The following FHIT variants were observed in gnomAD, a reference collection of about 807,000 sequenced individuals.
FHIT encodes fragile histidine triad diadenosine triphosphatase.
FHIT carries 19 observed loss-of-function variants against 17.9 expected under a neutral mutation model. The observed-to-expected ratio is 1.06, with a 90% CI of 0.74 to 1.56. FHIT has a LOEUF of 1.56. Ranked by LOEUF, FHIT falls within the 40% of genes most tolerant of loss-of-function variation. The pLI is 0.00. For synonymous variants in FHIT, 81 were observed against 69.7 expected, an observed-to-expected ratio of 1.16 and a Z score of -0.81; for missense variants, 248 against 189.2, an observed-to-expected ratio of 1.31 and a Z score of -1.82.
intron 5 of FHIT, among the ~76,000 whole-genome samples, chr3:60,223,626 G>A (rs148967279): frequency 1.3e-5 from 2 of 152,210 alleles, no homozygotes; most frequent in Non-Finnish European, 1.5e-5. Context: ...TTTAAGTGTT[G>A]CTAGTTTTTA....
chr3:60,870,827 G>A (rs1379629248), intron 3 of FHIT, among the ~76,000 whole-genome samples: 1 of 152,066 alleles, frequency 6.6e-6, no homozygotes, highest in Admixed American at 6.6e-5. Context: ...ATTCCGTCTT[G>A]AAGAGAGAGT....
At chr3:59,950,168 A>G (rs1233703471) in intron 7 of FHIT, among the ~76,000 whole-genome samples, 1 of 152,198 alleles carries the variant, frequency 6.6e-6, no homozygotes, top group Non-Finnish European at 1.5e-5. Flanking sequence ...TAAAGATCAC[A>G]TGCAATAACA....
chr3:59,811,592 A>G (rs776688437), intron 8 of FHIT, among the ~76,000 whole-genome samples: 7 of 152,126 alleles, frequency 4.6e-5, no homozygotes, highest in Non-Finnish European at 8.8e-5. Flanking sequence ...TTAAAGAAAG[A>G]AAGGAAGGAA....
chr3:60,718,458 C>T (rs1241294339), intron 4 of FHIT, among the ~76,000 whole-genome samples: 1 of 152,134 alleles, frequency 6.6e-6, no homozygotes, highest in Non-Finnish European at 1.5e-5. Flanking sequence ...GTAGATAAAT[C>T]AGTGATTTTC....
At chr3:60,600,826 T>C (rs1306529649) in intron 4 of FHIT, among the ~76,000 whole-genome samples, 2 of 152,190 alleles carry the variant, frequency 1.3e-5, no homozygotes. Context: ...GTACATATTA[T>C]AGATGTTCTT....
At chr3:60,053,021 T>C (rs1275019402) in intron 5 of FHIT, among the ~76,000 whole-genome samples, 1 of 151,996 alleles carries the variant, frequency 6.6e-6, no homozygotes, top group African/African-American at 2.4e-5. Context: ...TAGTGTGAGC[T>C]CTGCATTGTT....
rs1195742742 is a variant in FHIT, at chr3:60,264,084, G to C, written c.104-249932C>G. On this transcript the variant is annotated intron_variant, in intron 5 of 9. Coordinates refer to ENST00000492590, the MANE Select transcript of FHIT (RefSeq NM_002012.4). ...AAAGTATGTGGCATCAGCTTCCAGT[G>C]AATTCCCCAAAGTGGGGGAGAAAAA... 4.2e-3 allele frequency among the ~76,000 whole-genome samples: 632 copies of C among 151,996 alleles called. 3 individuals carry two copies. The highest frequency in any genetic ancestry group is 0.014 in the African/African-American group (590 of 41,518).
chr3:60,670,049 G>A (rs2107840779), intron 4 of FHIT, among the ~76,000 whole-genome samples: 1 of 152,244 alleles, frequency 6.6e-6, no homozygotes, highest in Middle Eastern at 3.4e-3. Flanking sequence ...TTTTAATGGA[G>A]TCAAATCTAT....
intron 5 of FHIT, among the ~76,000 whole-genome samples, chr3:60,520,732 G>A (rs946639199): frequency 1.3e-5 from 2 of 152,092 alleles, no homozygotes; most frequent in African/African-American, 4.8e-5. Context: ...GGGTGGAGGA[G>A]CGAGACACTT....
intron 3 of FHIT, among the ~76,000 whole-genome samples, chr3:60,840,050 C>G (rs1702668732): frequency 1.3e-5 from 2 of 152,010 alleles, no homozygotes; most frequent in African/African-American, 4.8e-5. Context: ...GAGGAGCTCT[C>G]TAGCACTCAG....
intron 3 of FHIT, among the ~76,000 whole-genome samples, chr3:60,965,724 T>G (rs538546486): frequency 1.1e-4 from 16 of 152,328 alleles, no homozygotes; most frequent in South Asian, 8.3e-4. Flanking sequence ...TGTTTGCCTG[T>G]GTATCACCAG....
At chr3:60,634,559 T>C (rs1261842652) in intron 4 of FHIT, among the ~76,000 whole-genome samples, 6 of 152,174 alleles carry the variant, frequency 3.9e-5, no homozygotes, top group Non-Finnish European at 7.3e-5. Context: ...TCGCAATCAA[T>C]AGACGTTGGC....
At chr3:60,872,507 T>C (rs1704455856) in intron 3 of FHIT, among the ~76,000 whole-genome samples, 1 of 152,120 alleles carries the variant, frequency 6.6e-6, no homozygotes, top group African/African-American at 2.4e-5. Flanking sequence ...CCAGAAAAAT[T>C]CTCAAGGAGC....
At chr3:60,205,738 T>C (rs915626489) in intron 5 of FHIT, among the ~76,000 whole-genome samples, 1 of 152,156 alleles carries the variant, frequency 6.6e-6, no homozygotes, top group African/African-American at 2.4e-5. Flanking sequence ...AATACGTATG[T>C]GTATTCTTGA....
chr3:59,779,023 C>T (rs946037604), intron 8 of FHIT, among the ~76,000 whole-genome samples: 2 of 152,134 alleles, frequency 1.3e-5, no homozygotes, highest in African/African-American at 4.8e-5. Context: ...CCTTATTCCA[C>T]TGTTAGAAAG....
chr3:60,912,698 T>C (rs1445795707), intron 3 of FHIT: 2 of 500,982 alleles, frequency 4.0e-6, no homozygotes, highest in Non-Finnish European at 7.9e-6. Flanking sequence ...CAGAGGAATC[T>C]ATGTAACAAG....
intron 5 of FHIT, among the ~76,000 whole-genome samples, chr3:60,213,639 C>T (rs1482129080): frequency 1.3e-5 from 2 of 152,180 alleles, no homozygotes; most frequent in South Asian, 2.1e-4. Context: ...ATATTTTTGG[C>T]CTTCTCCACA....
At chr3:59,915,137 C>T (rs957928244) in intron 8 of FHIT, among the ~76,000 whole-genome samples, 1 of 152,154 alleles carries the variant, frequency 6.6e-6, no homozygotes, top group African/African-American at 2.4e-5. Flanking sequence ...AACAAGGACA[C>T]CTCGGAGGAG....
At chr3:61,073,545 A>G (rs1387783704) in intron 2 of FHIT, among the ~76,000 whole-genome samples, 2 of 152,192 alleles carry the variant, frequency 1.3e-5, no homozygotes, top group Non-Finnish European at 2.9e-5. Context: ...CTGGAATATT[A>G]TTTGTGATTT....
Sources: gnomAD v4.1 joint callset for allele counts (sites outside exome capture counted in the v4.1 genomes callset) on GRCh38, gnomAD v4.1.1 for gene constraint, MANE v1.5 for transcripts, NCBI Gene and HGNC (gene_info 2026-07-23, HGNC 2026-07-21) for gene names.